The following RBFOX1 variants were observed in gnomAD, a reference collection of about 807,000 sequenced individuals.
RBFOX1 encodes the protein RNA binding fox-1 homolog 1, also known as RNA binding protein fox-1 homolog 1.
A neutral mutation model predicts 57.7 loss-of-function variants in RBFOX1; 8 were observed. That is an observed-to-expected ratio of 0.14 (90% CI 0.08 to 0.25). RBFOX1 has a LOEUF of 0.25. Ranked by LOEUF, RBFOX1 falls within the 10% of genes least tolerant of loss-of-function variation. RBFOX1 has a pLI of 1.00. For missense variants in RBFOX1, 611 were observed against 548.5 expected (o/e 1.11, Z -1.14); for synonymous variants, 326 against 222.4 (o/e 1.47, Z -4.15).
chr16:7,326,400 G>C (rs1332376708), intron 4 of RBFOX1, among the ~76,000 whole-genome samples: 1 of 152,128 alleles, frequency 6.6e-6, no homozygotes, highest in South Asian at 2.1e-4. Flanking sequence ...TATATAAGCA[G>C]TTTTACTGGG....
At chr16:5,888,922 C>T (rs12932807) in intron 4 of RBFOX1, among the ~76,000 whole-genome samples, 9,511 of 151,976 alleles carry the variant, frequency 0.063, 394 homozygotes, top group East Asian at 0.14. Context: ...CTTCATAAAC[C>T]TTCCTAGATA....
chr16:7,338,754 C>A (rs774159825), intron 4 of RBFOX1, among the ~76,000 whole-genome samples: 11 of 152,158 alleles, frequency 7.2e-5, no homozygotes, highest in African/African-American at 2.7e-4. Context: ...GAGTAACCAT[C>A]CTTATAGAAA....
At chr16:6,517,220 G>T (rs894518949) in intron 2 of RBFOX1, among the ~76,000 whole-genome samples, 3 of 152,164 alleles carry the variant, frequency 2.0e-5, no homozygotes, top group East Asian at 3.9e-4. Flanking sequence ...ATGATATATG[G>T]CCTTCCCCTG....
intron 3 of RBFOX1, among the ~76,000 whole-genome samples, chr16:5,817,959 G>A (rs888519111): frequency 6.6e-6 from 1 of 151,954 alleles, no homozygotes; most frequent in South Asian, 2.1e-4. Context: ...AAAAGTGCTG[G>A]GATTACGGGC....
intron 1 of RBFOX1, among the ~76,000 whole-genome samples, chr16:5,420,144 A>G (rs2067273171): frequency 6.6e-6 from 1 of 152,156 alleles, no homozygotes; most frequent in Non-Finnish European, 1.5e-5. Context: ...AAAGTAATAT[A>G]CTGGGCCTGG....
chr16:6,021,355 A>G (rs540285824), intron 1 of RBFOX1, among the ~76,000 whole-genome samples: 234 of 152,196 alleles, frequency 1.5e-3, no homozygotes, highest in African/African-American at 5.5e-3. Flanking sequence ...TACAAAAGAG[A>G]GAAAAAAAAG....
intron 2 of RBFOX1, among the ~76,000 whole-genome samples, chr16:6,340,449 C>G (rs528151041): frequency 1.3e-5 from 2 of 152,284 alleles, no homozygotes; most frequent in African/African-American, 4.8e-5. Flanking sequence ...AAAGGAATGG[C>G]TACCTCATAG....
intron 4 of RBFOX1, among the ~76,000 whole-genome samples, chr16:7,285,162 T>G (rs994905193): frequency 2.7e-5 from 4 of 145,630 alleles, no homozygotes; most frequent in African/African-American, 9.9e-5. Flanking sequence ...GAAAATTAAC[T>G]GTATAATTTG....
chr16:6,786,487 T>C (rs1182169257), intron 3 of RBFOX1, among the ~76,000 whole-genome samples: 1 of 152,204 alleles, frequency 6.6e-6, no homozygotes, highest in Non-Finnish European at 1.5e-5. Flanking sequence ...AAGAGCTGTG[T>C]AGCCCCTTAA....
chr16:6,572,325 T>G (rs74808127), intron 2 of RBFOX1, among the ~76,000 whole-genome samples: 2,679 of 152,306 alleles, frequency 0.018, 81 homozygotes, highest in African/African-American at 0.06. Flanking sequence ...TTATGAATTT[T>G]GCACATTTTC....
chr16:6,002,255 G>T (rs2060614940), intron 4 of RBFOX1, among the ~76,000 whole-genome samples: 1 of 152,132 alleles, frequency 6.6e-6, no homozygotes, highest in African/African-American at 2.4e-5. Flanking sequence ...CATTTTATAG[G>T]CATGAGCGAC....
chr16:6,531,218 G>C (rs984587649), intron 2 of RBFOX1, among the ~76,000 whole-genome samples: 1 of 151,990 alleles, frequency 6.6e-6, no homozygotes, highest in East Asian at 1.9e-4. Context: ...CAGCGCTCAG[G>C]GACATCTCTG....
rs553927694 is a variant in RBFOX1 at position 7,307,971 on chromosome 16, C to T, written c.28-210176C>T. Reference sequence around the variant, plus strand: ...TCACATATCCCCAATACTTAATCTTCCACGTTCCAAAGTAAGTACTCATGG... The same window carrying T: ...TCACATATCCCCAATACTTAATCTTTCACGTTCCAAAGTAAGTACTCATGG... On this transcript the variant is annotated intron_variant, in intron 4 of 15. Coordinates refer to ENST00000550418, the MANE Select transcript of RBFOX1 (RefSeq NM_018723.4). Among the ~76,000 whole-genome samples the T allele has an allele frequency of 9.8e-5, 15 of 152,328 alleles. No homozygotes were observed. The South Asian group carries it at 3.1e-3, about 32-fold the overall frequency.
chr16:7,485,015 G>A (rs562430590), intron 4 of RBFOX1, among the ~76,000 whole-genome samples: 1 of 151,364 alleles, frequency 6.6e-6, no homozygotes, highest in Non-Finnish European at 1.5e-5. Context: ...TTTATGTCTT[G>A]CATATCAAAA....
intron 2 of RBFOX1, among the ~76,000 whole-genome samples, chr16:6,584,057 C>A (rs190826470): frequency 6.7e-6 from 1 of 149,578 alleles, no homozygotes; most frequent in Non-Finnish European, 1.5e-5. Context: ...GTTCTTTTAA[C>A]AATAATAAAG....
chr16:6,883,953 G>T (rs10083758), intron 3 of RBFOX1, among the ~76,000 whole-genome samples: 7,964 of 152,176 alleles, frequency 0.052, 657 homozygotes, highest in African/African-American at 0.18. Flanking sequence ...TACTTGCCAC[G>T]GTCCAAAGCG....
chr16:6,818,877 A>G (rs761974361), intron 3 of RBFOX1, among the ~76,000 whole-genome samples: 12 of 152,192 alleles, frequency 7.9e-5, no homozygotes, highest in South Asian at 6.2e-4. Context: ...AGGAATTTAC[A>G]TGGAATTCTT....
At chr16:5,506,444 G>A (rs568574679) in intron 2 of RBFOX1, among the ~76,000 whole-genome samples, 3 of 152,250 alleles carry the variant, frequency 2.0e-5, no homozygotes, top group Admixed American at 6.5e-5. Context: ...GTTCAGGTAC[G>A]TGAACCCAGA....
At chr16:7,078,924 G>A (rs2058732534) in intron 4 of RBFOX1, among the ~76,000 whole-genome samples, 1 of 134,016 alleles carries the variant, frequency 7.5e-6, no homozygotes, top group African/African-American at 2.9e-5. Flanking sequence ...TGTCCAGGCT[G>A]GTCTTGAGCT....
Sources: allele counts gnomAD v4.1 joint callset (sites outside exome capture counted in the v4.1 genomes callset), GRCh38; gene constraint gnomAD v4.1.1; transcripts MANE v1.5; gene names NCBI Gene and HGNC (gene_info 2026-07-23, HGNC 2026-07-21).